Variants in HAL observed in about 807,000 individuals in gnomAD.
HAL encodes the protein histidine ammonia-lyase, also known as histidase.
Under a neutral mutation model 81.1 loss-of-function variants are expected in HAL, and 85 were observed. That is an observed-to-expected ratio of 1.05 (90% CI 0.88 to 1.25). The LOEUF is 1.25. Ranked by LOEUF, HAL falls within the 50% of genes most tolerant of loss-of-function variation. The pLI, the probability that HAL is intolerant of heterozygous loss-of-function variation, is 0.00. For synonymous variants in HAL, 301 were observed against 309.2 expected (o/e 0.97, Z 0.28); for missense variants, 798 against 836.6 (o/e 0.95, Z 0.57).
At chr12:95,984,780 T>G (rs1949859102) in intron 14 of HAL, among the ~76,000 whole-genome samples, 1 of 152,242 alleles carries the variant, frequency 6.6e-6, no homozygotes, top group Admixed American at 6.5e-5. Flanking sequence ...ATCAGGGAAG[T>G]CTTACATCAG....
At chr12:95,990,244 C>T (rs1949951840) in intron 10 of HAL, 149 bp downstream of exon 10, 1 of 749,970 alleles carries the variant, frequency 1.3e-6, no homozygotes, top group East Asian at 2.5e-5. Flanking sequence ...AGTCTGACTT[C>T]TAAGCTTTCG....
In HAL at chr12:95,988,844, G is replaced by C. The variant is rs778135208; in HGVS notation, c.856-604C>G. ...TCCCTTGAAAGAAAAGAAGTAGAGA[G>C]TCATTAAGTTAAGGTCTCTCTAGGA... is the stretch of plus-strand genomic sequence containing the variant. On this transcript the variant is annotated intron_variant, in intron 10 of 20. Transcript: ENST00000261208. Among the ~76,000 whole-genome samples the C allele has an allele frequency of 3.0e-4, 46 of 152,272 alleles. 1 individual carries two copies. Among genetic ancestry groups the C allele is most frequent in the Admixed American group, 4.6e-4 (7 of 15,286 alleles).
At chr12:95,982,839 T>G (rs756055784) in intron 15 of HAL, among the ~76,000 whole-genome samples, 6 of 152,142 alleles carry the variant, frequency 3.9e-5, no homozygotes, top group Non-Finnish European at 7.4e-5. Flanking sequence ...GAAAAATAGA[T>G]TCCAAAGGCG....
rs758714519 is a variant in HAL, at chr12:95,993,661, C to T, written c.551+111G>A. 1.3e-5 allele frequency: 11 copies of T among 853,220 alleles called. 1 individual carries two copies. In the South Asian group the frequency reaches 1.5e-4, roughly 12 times the overall value. The allele number at this position is 853,220 out of a possible 1,614,324, so 52.9% of individuals were successfully genotyped here. A position where few individuals can be genotyped will look rare whatever the true frequency, so the allele number is the denominator to read the frequency against. ...CAACTCACATGCAAGGTAACCCAAGCCTCATCCTCTGATCTGTAAATTGGG... is the reference window on the plus strand; with the variant it reads ...CAACTCACATGCAAGGTAACCCAAGTCTCATCCTCTGATCTGTAAATTGGG... On this transcript the variant is annotated intron_variant, in intron 7 of 20. Coordinates refer to ENST00000261208, the MANE Select transcript of HAL (RefSeq NM_002108.4).
intron 15 of HAL, 121 bp from the exon 16 acceptor site, chr12:95,980,984 A>G (rs2080788393): frequency 1.3e-6 from 1 of 755,730 alleles, no homozygotes; most frequent in African/African-American, 1.7e-5. Flanking sequence ...GTGGAGGGAA[A>G]GAGACAAGTC....
intron 17 of HAL, 60 bp from the exon 18 acceptor site, chr12:95,978,138 C>A (rs1390470319): frequency 1.4e-6 from 2 of 1,409,916 alleles, no homozygotes; most frequent in Non-Finnish European, 2.0e-6. Context: ...TCTAAAGGAC[C>A]CGTGGCTTCC....
At chr12:95,978,244 G>A (rs2080747807) in intron 17 of HAL, among the ~76,000 whole-genome samples, 166 bp from the exon 18 acceptor site, 1 of 87,326 alleles carries the variant, frequency 1.1e-5, no homozygotes, top group African/African-American at 8.1e-5. Context: ...AAAGGAAGCA[G>A]GTCATTTTTT....
intron 14 of HAL, among the ~76,000 whole-genome samples, chr12:95,984,817 T>G (rs1046147982): frequency 6.6e-6 from 1 of 152,224 alleles, no homozygotes; most frequent in African/African-American, 2.4e-5. Context: ...AGATCTAATT[T>G]GGCAATTCTT....
chr12:95,986,183 A>C, intron 12 of HAL, 23 bp from the exon 13 acceptor site: 1 of 1,298,930 alleles, frequency 7.7e-7, no homozygotes, highest in Admixed American at 1.7e-5. Flanking sequence ...AAGGAGAAAA[A>C]GTCTGAATAA....
At chr12:95,979,256 G>A (rs2080762881) in intron 17 of HAL, among the ~76,000 whole-genome samples, 1 of 152,120 alleles carries the variant, frequency 6.6e-6, no homozygotes, top group Non-Finnish European at 1.5e-5. Flanking sequence ...CCTGTTAAAG[G>A]GGTATTTTAT....
intron 15 of HAL, among the ~76,000 whole-genome samples, chr12:95,981,239 A>C (rs146943589): frequency 5.9e-5 from 9 of 152,214 alleles, no homozygotes; most frequent in African/African-American, 2.2e-4. Context: ...TGTTTCTTCA[A>C]TGGGCACTGC....
intron 10 of HAL, 136 bp from the exon 11 acceptor site, chr12:95,988,376 T>C: frequency 2.9e-6 from 2 of 690,818 alleles, no homozygotes; most frequent in Non-Finnish European, 5.2e-6. Context: ...AGGAACTGGC[T>C]GTATTCATGT....
chr12:95,990,074 A>G (rs990499021), intron 10 of HAL, among the ~76,000 whole-genome samples: 2 of 152,206 alleles, frequency 1.3e-5, no homozygotes, highest in African/African-American at 4.8e-5. Context: ...CTCGTAATTA[A>G]AATTGTGAGA....
rs768173049 is a variant in HAL, at chr12:95,993,837, A to G, written c.486T>C (p.Val162=). 1 of 1,558,346 alleles carries G rather than the reference A, an allele frequency of 6.4e-7. No homozygotes were observed. Among genetic ancestry groups the G allele is most frequent in the Non-Finnish European group, 8.9e-7 (1 of 1,129,290 alleles). Residue 162 remains valine (V), a splice_region_variant and synonymous_variant, in exon 7 of 21, where the codon GTT becomes GTC. Transcript: ENST00000261208. The part of the protein sequence containing the change: ...VIDSIIKEKT[V]VYGITTGFGK... ...CAAAACCTGTAGTAATACCGTAAAC[A>G]ACTAGAATAAAAAGAGACATTATGC...
chr12:95,983,528 T>C (rs1272820409), intron 15 of HAL, among the ~76,000 whole-genome samples: 1 of 152,252 alleles, frequency 6.6e-6, no homozygotes, highest in African/African-American at 2.4e-5. Context: ...CCTGCATAAA[T>C]TGTTCAGCAT....
At chr12:95,976,785 C>A (rs988722430) in intron 18 of HAL, 79 bp from the exon 19 acceptor site, 1 of 809,740 alleles carries the variant, frequency 1.2e-6, no homozygotes, top group African/African-American at 1.7e-5. Flanking sequence ...CCAAAGTTGA[C>A]ACCCATCACC....
Position 95,980,792 on chromosome 12 carries a change from G to C in HAL, c.1353+6C>G. The C allele has an allele frequency of 1.3e-6, 2 of 1,593,226 alleles. No individual in the cohort carries two copies. The highest frequency in any genetic ancestry group is 1.7e-6 in the Non-Finnish European group (2 of 1,161,226). On this transcript the variant is annotated splice_donor_region_variant and intron_variant, in intron 16 of 20. Coordinates refer to ENST00000261208, the MANE Select transcript of HAL (RefSeq NM_002108.4). ...TCTGGGTCAGGAGCAGTTTTAAAAA[G>C]CTTACTTTGGCTGGGTATTCACCAT...
chr12:95,987,898 G>A (rs2270317), intron 11 of HAL, among the ~76,000 whole-genome samples: 48 of 115,006 alleles, frequency 4.2e-4, no homozygotes, highest in African/African-American at 1.4e-3. Flanking sequence ...TTGGCGGGGC[G>A]GGGGGGGCGG....
rs763513989 is a variant in HAL at position 95,977,940 on chromosome 12, T to A, written c.1654+4A>T. 5.6e-6 allele frequency: 9 copies of A among 1,613,960 alleles called. No individual in the cohort carries two copies. On this transcript the variant is annotated splice_donor_region_variant and intron_variant, in intron 18 of 20. Transcript: ENST00000261208. ...GCCCGCCACCCCGAACTCATCAGCA[T>A]TACCTTGCTCCACATGCTCGATGAC...
Sources: gnomAD v4.1 joint callset for allele counts (sites outside exome capture counted in the v4.1 genomes callset) on GRCh38, gnomAD v4.1.1 for gene constraint, MANE v1.5 for transcripts, NCBI Gene and HGNC (gene_info 2026-07-23, HGNC 2026-07-21) for gene names.